TIAM1: variants seen among roughly 807,000 people sequenced by gnomAD.
The protein encoded by TIAM1 is rho guanine nucleotide exchange factor TIAM1.
TIAM1 carries 65 observed loss-of-function variants against 163.5 expected under a neutral mutation model. The observed-to-expected ratio is 0.40, with a 90% CI of 0.33 to 0.49. The LOEUF (loss-of-function observed/expected upper bound fraction) is 0.49, where lower values mean the gene tolerates loss of function less well. TIAM1 is among the 20% of genes least tolerant of loss of function. The probability of loss-of-function intolerance (pLI) is 0.77; values close to 1 mark genes in which losing one functional copy is unlikely to be tolerated. For missense variants in TIAM1, 1,789 were observed against 2,044.7 expected (o/e 0.87, Z 2.41); for synonymous variants, 833 against 810.1 (o/e 1.03, Z -0.48).
chr21:31,182,387 T>A (rs765077502), intron 15 of TIAM1, 34 bp downstream of exon 15: 5 of 1,476,572 alleles, frequency 3.4e-6, no homozygotes, highest in Non-Finnish European at 4.5e-6. Flanking sequence ...ACAACGGAGT[T>A]CAGACTCGCC....
intron 2 of TIAM1, among the ~76,000 whole-genome samples, chr21:31,301,249 G>A (rs970326971): frequency 1.9e-4 from 29 of 152,292 alleles, no homozygotes; most frequent in African/African-American, 7.0e-4. Context: ...GAAGCCAGTG[G>A]CCTGTTTCTA....
chr21:31,143,295 C>G (rs183380543), intron 20 of TIAM1, among the ~76,000 whole-genome samples: 85 of 152,192 alleles, frequency 5.6e-4, no homozygotes, highest in African/African-American at 2.0e-3. Flanking sequence ...AATGAATATT[C>G]ATCTGGATGA....
At chr21:31,232,401 A>G (rs1345942085) in intron 6 of TIAM1, among the ~76,000 whole-genome samples, 3 of 152,170 alleles carry the variant, frequency 2.0e-5, no homozygotes, top group Admixed American at 6.5e-5. Context: ...AGCCAAATCA[A>G]TTTCTCAGAA....
intron 22 of TIAM1, among the ~76,000 whole-genome samples, chr21:31,138,359 G>A (rs1407572144): frequency 6.6e-6 from 1 of 152,138 alleles, no homozygotes; most frequent in Non-Finnish European, 1.5e-5. Context: ...AGGAATGTTG[G>A]TTGAAGACCC....
chr21:31,475,662 A>G (rs1053717475), intron 1 of TIAM1, among the ~76,000 whole-genome samples: 2 of 152,168 alleles, frequency 1.3e-5, no homozygotes, highest in Non-Finnish European at 2.9e-5. Context: ...CAAGAAACCA[A>G]GAATCAGTGC....
rs2081963400 is a variant in TIAM1 at position 31,120,588 on chromosome 21, G to A, written c.4556C>T (p.Ser1519Leu). 6.2e-7 allele frequency: 1 copy of A among 1,614,044 alleles called. No homozygotes were observed. Among genetic ancestry groups the A allele is most frequent in the Admixed American group, 1.7e-5 (1 of 60,004 alleles). Reference protein sequence around the residue: ...DEFCESVKGASVDRDLQERLQ... With the variant: ...DEFCESVKGALVDRDLQERLQ... ...CCGCTCCTGCAGGTCTCTGTCCACT[G>A]AGGCACCCTTCACGGACTCACAGAA... The change falls in exon 28 of 28, where the codon TCA becomes TTA. Residue 1519 changes from serine (S) to leucine (L), a missense_variant. Around this residue, in one of 5 missense-constraint regions of TIAM1, gnomAD observed 415 missense variants for 439.2 expected, o/e 0.94. Coordinates refer to ENST00000541036, the MANE Select transcript of TIAM1 (RefSeq NM_001353694.2). The surrounding 1 kb of genome is among the most constrained non-coding windows in gnomAD (Gnocchi z 4.2).
intron 2 of TIAM1, among the ~76,000 whole-genome samples, chr21:31,353,489 T>C (rs1280086863): frequency 6.6e-6 from 1 of 152,190 alleles, no homozygotes; most frequent in Non-Finnish European, 1.5e-5. Context: ...ACAACTTTGA[T>C]GACAATGAGT....
chr21:31,297,552 G>A (rs905362485), intron 2 of TIAM1, among the ~76,000 whole-genome samples: 3 of 152,120 alleles, frequency 2.0e-5, no homozygotes, highest in South Asian at 2.1e-4. Flanking sequence ...CTGCCACAAC[G>A]CACGGCTAAT....
intron 16 of TIAM1, among the ~76,000 whole-genome samples, chr21:31,158,036 ATAC>A (rs905793512): frequency 2.0e-5 from 3 of 152,148 alleles, no homozygotes; most frequent in Admixed American, 2.0e-4. Context: ...TCTACCATAA[ATAC>A]TTTGAGAATT....
intron 2 of TIAM1, among the ~76,000 whole-genome samples, chr21:31,448,158 C>A (rs1019133156): frequency 6.6e-6 from 1 of 152,206 alleles, no homozygotes. Flanking sequence ...GACCACGTAT[C>A]TGGGCACCTT....
intron 1 of TIAM1, among the ~76,000 whole-genome samples, chr21:31,512,616 T>TC (rs2047246836): frequency 7.4e-6 from 1 of 135,626 alleles, no homozygotes; most frequent in Non-Finnish European, 1.6e-5. Context: ...TTTTTTCTTT[T>TC]CTTTTTTTTT....
At chr21:31,476,909 T>C (rs142679210) in intron 1 of TIAM1, among the ~76,000 whole-genome samples, 266 of 152,340 alleles carry the variant, frequency 1.7e-3, no homozygotes, top group African/African-American at 6.1e-3. Context: ...GGCTGGAACA[T>C]GTTGCTAGGC....
chr21:31,151,265 T>C (rs2083358502), intron 19 of TIAM1, among the ~76,000 whole-genome samples: 1 of 152,212 alleles, frequency 6.6e-6, no homozygotes, highest in South Asian at 2.1e-4. Context: ...CTTGTACACA[T>C]ATGTTCACAG....
intron 2 of TIAM1, among the ~76,000 whole-genome samples, chr21:31,386,498 A>T (rs955887077): frequency 6.6e-6 from 1 of 152,216 alleles, no homozygotes; most frequent in African/African-American, 2.4e-5. Flanking sequence ...CCCAAGAGGT[A>T]AGTGGCTACC....
At chr21:31,234,128 G>C (rs1294774101) in intron 6 of TIAM1, among the ~76,000 whole-genome samples, 2 of 152,114 alleles carry the variant, frequency 1.3e-5, no homozygotes, top group African/African-American at 4.8e-5. Flanking sequence ...CCCCCAGCAT[G>C]AAAGGCAGAG....
intron 1 of TIAM1, among the ~76,000 whole-genome samples, chr21:31,498,388 G>C (rs2046735908): frequency 6.6e-6 from 1 of 152,178 alleles, no homozygotes; most frequent in Admixed American, 6.5e-5. Flanking sequence ...AGACTGAGAA[G>C]ATGGTGAGCT....
chr21:31,159,569 G>A (rs556525010), intron 16 of TIAM1, among the ~76,000 whole-genome samples: 4 of 152,250 alleles, frequency 2.6e-5, no homozygotes, highest in Admixed American at 6.5e-5. Flanking sequence ...GGGACAATGC[G>A]CTCCATAATT....
intron 1 of TIAM1, among the ~76,000 whole-genome samples, chr21:31,509,786 G>C (rs1211310423): frequency 1.3e-5 from 2 of 152,122 alleles, no homozygotes; most frequent in African/African-American, 2.4e-5. Context: ...TCTCAGGGGC[G>C]CCCCCTACCT....
At chr21:31,358,280 T>C (rs1301788873) in intron 2 of TIAM1, among the ~76,000 whole-genome samples, 3 of 152,160 alleles carry the variant, frequency 2.0e-5, no homozygotes, top group East Asian at 1.9e-4. Context: ...ACACCACTGT[T>C]TGACTTCTCC....
Sources: gnomAD v4.1 joint callset for allele counts (sites outside exome capture counted in the v4.1 genomes callset) on GRCh38, gnomAD v4.1.1 for gene constraint, gnomAD v4.1.1 regional missense constraint, Gnocchi (gnomAD v3.1) non-coding constraint, MANE v1.5 for transcripts, NCBI Gene and HGNC (gene_info 2026-07-23, HGNC 2026-07-21) for gene names.